Variants in BRINP3 observed in about 807,000 individuals in gnomAD.
BRINP3 encodes BMP/retinoic acid inducible neural specific 3, also known as BMP/retinoic acid-inducible neural-specific protein 3.
BRINP3 carries 19 observed loss-of-function variants against 71.0 expected under a neutral mutation model. That is an observed-to-expected ratio of 0.27 (90% confidence interval 0.19 to 0.39). The LOEUF (loss-of-function observed/expected upper bound fraction) is 0.39. BRINP3 is among the 10% of genes least tolerant of loss of function. BRINP3 has a pLI of 1.00. For missense variants in BRINP3, 959 were observed against 940.8 expected (o/e 1.02, Z -0.25); for synonymous variants, 380 against 337.7 (o/e 1.13, Z -1.37).
chr1:190,307,300 G>T (rs1377800721), intron 2 of BRINP3, among the ~76,000 whole-genome samples: 1 of 101,752 alleles, frequency 9.8e-6, no homozygotes, highest in Non-Finnish European at 1.8e-5. Context: ...ACAGAGTCTC[G>T]CTCTGCCACC....
intron 6 of BRINP3, among the ~76,000 whole-genome samples, chr1:190,179,762 G>C (rs968257055): frequency 6.6e-5 from 10 of 152,032 alleles, no homozygotes; most frequent in African/African-American, 2.4e-4. Flanking sequence ...TCTACTATCA[G>C]CTTGTGATCT....
intron 6 of BRINP3, among the ~76,000 whole-genome samples, chr1:190,181,147 A>G (rs1223365341): frequency 6.6e-6 from 1 of 152,140 alleles, no homozygotes; most frequent in Non-Finnish European, 1.5e-5. Flanking sequence ...TACACATGAA[A>G]TCAGACAATA....
chr1:190,133,661 A>C (rs1433475100), intron 7 of BRINP3, among the ~76,000 whole-genome samples: 1 of 152,128 alleles, frequency 6.6e-6, no homozygotes, highest in Non-Finnish European at 1.5e-5. Flanking sequence ...AAAATGCAAA[A>C]ACATGATGCA....
chr1:190,136,214 G>A (rs1035998146), intron 7 of BRINP3, among the ~76,000 whole-genome samples: 4 of 151,788 alleles, frequency 2.6e-5, no homozygotes, highest in Non-Finnish European at 4.4e-5. Flanking sequence ...ATCATTTTTT[G>A]AAAATTTTCT....
At chr1:190,357,931 TGGTTCTGGGAAAACTGGCTAGCC>T (rs1668845204) in intron 2 of BRINP3, among the ~76,000 whole-genome samples, 4 of 152,042 alleles carry the variant, frequency 2.6e-5, no homozygotes, top group African/African-American at 9.7e-5. Flanking sequence ...ATTTAATAAA[TGGTTCTGGGAAAACTGGCTAGCC>T]ATATGGAGAA....
chr1:190,173,915 T>C (rs1225876127), intron 6 of BRINP3, among the ~76,000 whole-genome samples: 1 of 152,160 alleles, frequency 6.6e-6, no homozygotes, highest in Non-Finnish European at 1.5e-5. Context: ...TTCCACAGTA[T>C]TACACACCAT....
At chr1:190,346,643 C>T (rs914879702) in intron 2 of BRINP3, among the ~76,000 whole-genome samples, 7 of 152,048 alleles carry the variant, frequency 4.6e-5, no homozygotes, top group African/African-American at 1.7e-4. Flanking sequence ...ATACAAAGTG[C>T]TACCTTTCCT....
chr1:190,380,448 A>G (rs1265409514), intron 2 of BRINP3, among the ~76,000 whole-genome samples: 1 of 152,166 alleles, frequency 6.6e-6, no homozygotes, highest in South Asian at 2.1e-4. Flanking sequence ...TGGATATTGG[A>G]ATGGACGTCT....
chr1:190,356,728 T>C (rs1668757548), intron 2 of BRINP3, among the ~76,000 whole-genome samples: 1 of 151,998 alleles, frequency 6.6e-6, no homozygotes, highest in Non-Finnish European at 1.5e-5. Context: ...AAGTCCCTCT[T>C]GCCATGTAAG....
intron 6 of BRINP3, among the ~76,000 whole-genome samples, chr1:190,215,538 T>C (rs893536447): frequency 1.3e-5 from 2 of 151,864 alleles, no homozygotes; most frequent in African/African-American, 4.8e-5. Context: ...ATAAAGAAAA[T>C]TAATAGTTTA....
At chr1:190,329,502 C>T (rs1666825436) in intron 2 of BRINP3, among the ~76,000 whole-genome samples, 1 of 151,468 alleles carries the variant, frequency 6.6e-6, no homozygotes, top group Non-Finnish European at 1.5e-5. Flanking sequence ...CTCTACACAG[C>T]TACAAAATAC....
At chr1:190,264,471 T>C (rs942783429) in intron 4 of BRINP3, among the ~76,000 whole-genome samples, 1 of 152,176 alleles carries the variant, frequency 6.6e-6, no homozygotes, top group African/African-American at 2.4e-5. Flanking sequence ...ACTTTAAGCC[T>C]GATAAAGCCT....
intron 2 of BRINP3, among the ~76,000 whole-genome samples, chr1:190,349,420 G>C (rs1668229906): frequency 6.6e-6 from 1 of 152,092 alleles, no homozygotes; most frequent in African/African-American, 2.4e-5. Flanking sequence ...GAAGTATCTT[G>C]AGGTGAATGA....
At chr1:190,454,605 A>G (rs1304403309) in intron 2 of BRINP3, 50 bp downstream of exon 2, 5 of 1,500,504 alleles carry the variant, frequency 3.3e-6, no homozygotes, top group Non-Finnish European at 4.6e-6. Context: ...TTATGTATAC[A>G]CAACCTTCAA....
chr1:190,326,142 A>G (rs574141246), intron 2 of BRINP3, among the ~76,000 whole-genome samples: 1 of 152,118 alleles, frequency 6.6e-6, no homozygotes, highest in Non-Finnish European at 1.5e-5. Flanking sequence ...TCAAAATACA[A>G]TTCAAAGCTT....
At chr1:190,115,343 TG>T (rs1199860605) in intron 7 of BRINP3, among the ~76,000 whole-genome samples, 5 of 152,168 alleles carry the variant, frequency 3.3e-5, no homozygotes, top group African/African-American at 1.2e-4. Flanking sequence ...TTCTCCTTTT[TG>T]CTCCCAACAC....
intron 7 of BRINP3, among the ~76,000 whole-genome samples, chr1:190,157,879 A>G (rs1657002795): frequency 6.6e-6 from 1 of 152,104 alleles, no homozygotes; most frequent in African/African-American, 2.4e-5. Context: ...GTTTCCAACA[A>G]TGGTGGACTG....
At chr1:190,361,003 G>T (rs1669108877) in intron 2 of BRINP3, among the ~76,000 whole-genome samples, 2 of 152,094 alleles carry the variant, frequency 1.3e-5, no homozygotes, top group South Asian at 4.1e-4. Context: ...TATGTGGGAA[G>T]AGATAACAAA....
chr1:190,274,782 C>G (rs139893645), intron 3 of BRINP3, among the ~76,000 whole-genome samples: 108 of 151,514 alleles, frequency 7.1e-4, no homozygotes, highest in African/African-American at 2.5e-3. Context: ...TACTAATCTA[C>G]TAGTATGGTA....
Sources: gnomAD v4.1 joint callset for allele counts (sites outside exome capture counted in the v4.1 genomes callset) on GRCh38, gnomAD v4.1.1 for gene constraint, MANE v1.5 for transcripts, NCBI Gene and HGNC (gene_info 2026-07-23, HGNC 2026-07-21) for gene names.